CHMP4B: variants seen among roughly 807,000 people sequenced by gnomAD.
CHMP4B encodes the protein charged multivesicular body protein 4B.
A neutral mutation model predicts 25.1 loss-of-function variants in CHMP4B; 1 was observed. The ratio of observed to expected loss-of-function variants is 0.04; its 90% CI spans 0.01 to 0.19. CHMP4B has a LOEUF of 0.19. Ranked by LOEUF, CHMP4B falls within the 10% of genes least tolerant of loss-of-function variation. The pLI, the probability that CHMP4B is intolerant of heterozygous loss-of-function variation, is 1.00. For missense variants in CHMP4B, 151 were observed against 289.7 expected, an observed-to-expected ratio of 0.52 and a Z score of 3.48; for synonymous variants, 101 against 115.6, an observed-to-expected ratio of 0.87 and a Z score of 0.81.
chr20:33,843,189 A>C (rs1421394667), intron 1 of CHMP4B, among the ~76,000 whole-genome samples: 1 of 152,234 alleles, frequency 6.6e-6, no homozygotes, highest in Non-Finnish European at 1.5e-5. Flanking sequence ...TAATGAAGCA[A>C]CTGTCTGGAG....
intron 1 of CHMP4B, among the ~76,000 whole-genome samples, chr20:33,820,634 G>C (rs1978912864): frequency 6.6e-6 from 1 of 152,100 alleles, no homozygotes; most frequent in Non-Finnish European, 1.5e-5. Context: ...TTAGGATTCA[G>C]TTTGTGACAT....
chr20:33,833,295 C>T (rs567890159), intron 1 of CHMP4B, among the ~76,000 whole-genome samples: 7 of 152,338 alleles, frequency 4.6e-5, no homozygotes, highest in African/African-American at 7.2e-5. Flanking sequence ...GGCATCTCCA[C>T]CACCTGGTTG....
intron 3 of CHMP4B, 27 bp from the exon 4 acceptor site, chr20:33,852,050 C>T (rs765878913): frequency 1.1e-5 from 17 of 1,613,024 alleles, no homozygotes; most frequent in Non-Finnish European, 1.3e-5. Flanking sequence ...CCAGGGAGGG[C>T]GCTCACTTTG....
chr20:33,816,495 C>T (rs992082620), intron 1 of CHMP4B, among the ~76,000 whole-genome samples: 2 of 152,084 alleles, frequency 1.3e-5, no homozygotes, highest in African/African-American at 4.8e-5. Flanking sequence ...GGTGAACTGA[C>T]AGAAATCACC....
At chr20:33,843,770 C>T (rs56005147) in intron 1 of CHMP4B, among the ~76,000 whole-genome samples, 8 of 152,274 alleles carry the variant, frequency 5.3e-5, no homozygotes, top group East Asian at 1.9e-4. Flanking sequence ...ACCTCACCAC[C>T]GGAGCCATGC....
chr20:33,834,696 C>T (rs1199732084), intron 1 of CHMP4B, among the ~76,000 whole-genome samples: 1 of 152,144 alleles, frequency 6.6e-6, no homozygotes, highest in African/African-American at 2.4e-5. Flanking sequence ...TCTGATTTCC[C>T]ATTTCATTTC....
chr20:33,811,766 C>G, intron 1 of CHMP4B, 108 bp downstream of exon 1: 7 of 1,152,670 alleles, frequency 6.1e-6, no homozygotes, highest in Non-Finnish European at 8.9e-6. Context: ...GACCCTGGAA[C>G]TCTCCGGGTC....
At chr20:33,849,192 A>G (rs1042903521) in intron 2 of CHMP4B, among the ~76,000 whole-genome samples, 2 of 152,192 alleles carry the variant, frequency 1.3e-5, no homozygotes, top group Non-Finnish European at 1.5e-5. Context: ...TTCTTCCCCT[A>G]TATGGCTACC....
intron 1 of CHMP4B, among the ~76,000 whole-genome samples, chr20:33,821,370 G>A (rs191846520): frequency 3.8e-5 from 5 of 131,688 alleles, no homozygotes; most frequent in Non-Finnish European, 7.7e-5. Context: ...CTGGGTGACA[G>A]AGCAAGACTC....
At chr20:33,828,849 C>T (rs1161756773) in intron 1 of CHMP4B, among the ~76,000 whole-genome samples, 1 of 151,230 alleles carries the variant, frequency 6.6e-6, no homozygotes, top group East Asian at 1.9e-4. Context: ...TAAATGTATA[C>T]ACTTGTGTAA....
chr20:33,847,674 C>T (rs1199992286), intron 1 of CHMP4B, among the ~76,000 whole-genome samples: 1 of 152,178 alleles, frequency 6.6e-6, no homozygotes, highest in Non-Finnish European at 1.5e-5. Context: ...AATGGCCAGA[C>T]TCTAGGTTTG....
intron 1 of CHMP4B, among the ~76,000 whole-genome samples, chr20:33,829,859 T>C (rs2122794106): frequency 6.6e-6 from 1 of 152,266 alleles, no homozygotes; most frequent in South Asian, 2.1e-4. Context: ...TCTTGGTACA[T>C]GTGTAGACAG....
At chr20:33,844,798 G>A (rs1354727062) in intron 1 of CHMP4B, among the ~76,000 whole-genome samples, 3 of 147,794 alleles carry the variant, frequency 2.0e-5, no homozygotes, top group South Asian at 2.1e-4. Context: ...TTGCTCTGTC[G>A]CCCAGGCTGG....
At chr20:33,821,819 C>CTTTTT (rs1267125124) in intron 1 of CHMP4B, among the ~76,000 whole-genome samples, 1 of 151,946 alleles carries the variant, frequency 6.6e-6, no homozygotes, top group Non-Finnish European at 1.5e-5. Context: ...CTTTTCTTTT[C>CTTTTT]TTTTTCTTTC....
chr20:33,843,542 A>G (rs900361041), intron 1 of CHMP4B, among the ~76,000 whole-genome samples: 13 of 152,234 alleles, frequency 8.5e-5, no homozygotes, highest in African/African-American at 3.1e-4. Flanking sequence ...TAATCTAACC[A>G]TCAGGAATCT....
chr20:33,832,618 C>T (rs930871805), intron 1 of CHMP4B, among the ~76,000 whole-genome samples: 1 of 152,136 alleles, frequency 6.6e-6, no homozygotes, highest in African/African-American at 2.4e-5. Context: ...CTCAGTCACT[C>T]CCTTCCTAGA....
intron 1 of CHMP4B, among the ~76,000 whole-genome samples, chr20:33,814,753 C>G (rs562028677): frequency 6.6e-6 from 1 of 152,342 alleles, no homozygotes; most frequent in East Asian, 1.9e-4. Context: ...CTCCTGGGCT[C>G]AAATGATCCT....
intron 1 of CHMP4B, 148 bp from the exon 2 acceptor site, chr20:33,848,319 G>A: frequency 1.3e-6 from 1 of 797,186 alleles, no homozygotes; most frequent in Non-Finnish European, 2.1e-6. Flanking sequence ...AAAATTGAAT[G>A]TGCTCTTTGT....
rs1979938206 is a variant in CHMP4B at position 33,854,074 on chromosome 20, T to A, written c.*514T>A. 1 of 200,402 alleles carries A rather than the reference T, an allele frequency of 5.0e-6. No homozygotes were observed. The highest frequency in any genetic ancestry group is 8.8e-5 in the South Asian group (1 of 11,300). 12.4% of individuals were successfully genotyped at this position (200,402 alleles called of 1,614,324 possible). On this transcript the variant is annotated 3_prime_UTR_variant, in exon 5 of 5. Coordinates refer to ENST00000217402, the MANE Select transcript of CHMP4B (RefSeq NM_176812.5). The stretch of plus-strand genomic sequence containing the variant: ...TTGATTTCCTCCAGAGCTGTGTTTC[T>A]GTCCATCACCTGTGTATTGGCCCTG...
Sources: gnomAD v4.1 joint callset for allele counts (sites outside exome capture counted in the v4.1 genomes callset) on GRCh38, gnomAD v4.1.1 for gene constraint, MANE v1.5 for transcripts, NCBI Gene and HGNC (gene_info 2026-07-23, HGNC 2026-07-21) for gene names.